The following SOX5 variants were observed in gnomAD, a reference collection of about 807,000 sequenced individuals.
The protein encoded by SOX5 is transcription factor SOX-5.
A neutral mutation model predicts 92.0 loss-of-function variants in SOX5; 9 were observed. The observed-to-expected ratio is 0.10, with a 90% confidence interval of 0.06 to 0.17. The LOEUF (loss-of-function observed/expected upper bound fraction) is 0.17, where lower values mean the gene tolerates loss of function less well. Among genes scored for constraint, SOX5 ranks in the 10% least tolerant of loss-of-function variants. The pLI, the probability that SOX5 is intolerant of heterozygous loss-of-function variation, is 1.00. For synonymous variants in SOX5, 344 were observed against 336.3 expected, an observed-to-expected ratio of 1.02 and a Z score of -0.25; for missense variants, 642 against 944.5, an observed-to-expected ratio of 0.68 and a Z score of 4.20.
At chr12:23,969,924 C>T (rs908354563) in intron 4 of SOX5, among the ~76,000 whole-genome samples, 12 of 152,274 alleles carry the variant, frequency 7.9e-5, no homozygotes, top group African/African-American at 1.4e-4. Context: ...AGCTCAAGGA[C>T]GCAAGTGTGC....
intron 1 of SOX5, among the ~76,000 whole-genome samples, chr12:24,524,771 C>G (rs1044860187): frequency 6.6e-6 from 1 of 152,014 alleles, no homozygotes; most frequent in Admixed American, 6.6e-5. Context: ...GCCTGTAAAC[C>G]CTTGGGAGGC....
chr12:23,898,712 C>A (rs1375613104), intron 1 of SOX5, among the ~76,000 whole-genome samples: 1 of 152,188 alleles, frequency 6.6e-6, no homozygotes, highest in Non-Finnish European at 1.5e-5. Flanking sequence ...GTTTATAACA[C>A]TGAACGTGAA....
intron 6 of SOX5, among the ~76,000 whole-genome samples, chr12:23,676,577 A>AC (rs397744349): frequency 1.6e-4 from 1 of 6,302 alleles, no homozygotes; most frequent in African/African-American, 1.4e-3. Flanking sequence ...GCTGTGAAAC[A>AC]GCGAAGCTAG....
At chr12:24,101,369 G>T (rs1341030455) in intron 4 of SOX5, among the ~76,000 whole-genome samples, 1 of 151,986 alleles carries the variant, frequency 6.6e-6, no homozygotes, top group Non-Finnish European at 1.5e-5. Context: ...TGCCCCATTT[G>T]TATTCTTCAG....
chr12:24,381,868 A>G (rs1957860936), intron 1 of SOX5, among the ~76,000 whole-genome samples: 2 of 152,240 alleles, frequency 1.3e-5, no homozygotes, highest in South Asian at 4.1e-4. Context: ...AAAATAACTA[A>G]GAATTTGACT....
chr12:23,604,256 C>CTTA lies in SOX5; in HGVS notation c.1164+128_1164+130dup, dbSNP rs1592489717. On this transcript the variant is annotated intron_variant, in intron 9 of 14. Coordinates refer to ENST00000451604, the MANE Select transcript of SOX5 (RefSeq NM_006940.6). The stretch of plus-strand genomic sequence containing the variant: ...TAAGTTGACATGCACACCTGTTGCC[C>CTTA]TTACTTGATTCTTACCTCCTTGTAC... The CTTA allele has an allele frequency of 1.7e-5, 14 of 844,650 alleles. No homozygotes were observed. The East Asian group carries it at 3.6e-4, about 22-fold the overall frequency. 52.3% of individuals were successfully genotyped at this position (844,650 alleles called of 1,614,324 possible).
chr12:24,273,755 CT>C (rs1944070482), intron 3 of SOX5, among the ~76,000 whole-genome samples: 1 of 151,968 alleles, frequency 6.6e-6, no homozygotes, highest in African/African-American at 2.4e-5. Flanking sequence ...TTTATAACTT[CT>C]TGAGAGGAAT....
intron 4 of SOX5, among the ~76,000 whole-genome samples, chr12:24,040,053 C>G: frequency 6.6e-6 from 1 of 152,044 alleles, no homozygotes; most frequent in East Asian, 1.9e-4. Context: ...AAATTTAATT[C>G]ATGTCAATGT....
chr12:24,497,821 T>C (rs1421910679), intron 1 of SOX5, among the ~76,000 whole-genome samples: 1 of 152,130 alleles, frequency 6.6e-6, no homozygotes, highest in Non-Finnish European at 1.5e-5. Flanking sequence ...AATGGTAGAC[T>C]GGATAAAGAA....
intron 2 of SOX5, among the ~76,000 whole-genome samples, chr12:23,886,955 A>G (rs1163746457): frequency 6.6e-6 from 1 of 152,206 alleles, no homozygotes; most frequent in African/African-American, 2.4e-5. Context: ...TGTTTAGCTA[A>G]GTACGGGCAC....
In SOX5 at chr12:23,886,231, G is replaced by T. The variant is rs559920626; in HGVS notation, c.270+9562C>A. Among the ~76,000 whole-genome samples the T allele has an allele frequency of 4.6e-5, 7 of 152,172 alleles. No homozygotes were observed. The South Asian group carries it at 1.5e-3, about 32-fold the overall frequency. ...ATATACTATTAATTGAAAGCCATAT[G>T]AATATGATTGTCAAAATATGTGAAA... On this transcript the variant is annotated intron_variant, in intron 2 of 14. Transcript: ENST00000451604.
At chr12:24,086,978 A>G (rs972132288) in intron 4 of SOX5, among the ~76,000 whole-genome samples, 1 of 152,140 alleles carries the variant, frequency 6.6e-6, no homozygotes, top group African/African-American at 2.4e-5. Flanking sequence ...TAAGATCATT[A>G]AACAAAAATG....
chr12:24,019,131 C>T (rs191160199), intron 4 of SOX5, among the ~76,000 whole-genome samples: 8 of 151,978 alleles, frequency 5.3e-5, no homozygotes, highest in African/African-American at 1.9e-4. Flanking sequence ...GCCACATGCC[C>T]GTCCAACTTT....
At chr12:23,648,645 G>T (rs140284540) in intron 7 of SOX5, among the ~76,000 whole-genome samples, 1 of 151,356 alleles carries the variant, frequency 6.6e-6, no homozygotes, top group African/African-American at 2.4e-5. Context: ...TGCAAAGAGT[G>T]GTATCAGAAG....
chr12:23,725,237 C>A (rs2093050599), intron 6 of SOX5, among the ~76,000 whole-genome samples: 2 of 152,128 alleles, frequency 1.3e-5, no homozygotes, highest in African/African-American at 4.8e-5. Context: ...TGTTCTCACA[C>A]TGCTAATAAA....
chr12:23,593,264 T>A (rs1335279202), intron 9 of SOX5, among the ~76,000 whole-genome samples: 1 of 152,196 alleles, frequency 6.6e-6, no homozygotes, highest in Admixed American at 6.5e-5. Flanking sequence ...ATGTAAATTA[T>A]ACCACTGCAT....
intron 3 of SOX5, among the ~76,000 whole-genome samples, chr12:24,245,806 G>C (rs546718925): frequency 6.6e-6 from 1 of 152,210 alleles, no homozygotes; most frequent in Non-Finnish European, 1.5e-5. Context: ...GAGCAGCTAA[G>C]GAAAAGAGCT....
chr12:24,202,930 G>C (rs1004552127), intron 4 of SOX5, among the ~76,000 whole-genome samples: 1 of 151,936 alleles, frequency 6.6e-6, no homozygotes, highest in Non-Finnish European at 1.5e-5. Context: ...ATTTTGAGAG[G>C]AGATATGTTG....
At chr12:23,560,212 G>A (rs1012699277) in intron 11 of SOX5, among the ~76,000 whole-genome samples, 1 of 152,050 alleles carries the variant, frequency 6.6e-6, no homozygotes, top group African/African-American at 2.4e-5. Flanking sequence ...TGCCTGGCCG[G>A]GAGTATTACT....
Sources: gnomAD v4.1 joint callset for allele counts (sites outside exome capture counted in the v4.1 genomes callset) on GRCh38, gnomAD v4.1.1 for gene constraint, MANE v1.5 for transcripts, NCBI Gene and HGNC (gene_info 2026-07-23, HGNC 2026-07-21) for gene names.